The following CHST9 variants were observed in gnomAD, a reference collection of about 807,000 sequenced individuals.
CHST9 encodes the protein carbohydrate sulfotransferase 9, also known as GalNAc-4-sulfotransferase 2.
A neutral mutation model predicts 44.4 loss-of-function variants in CHST9; 41 were observed. That is an observed-to-expected ratio of 0.92 (90% CI 0.72 to 1.20). The LOEUF is 1.20. Among genes scored for constraint, CHST9 ranks in the 50% most tolerant of loss-of-function variants. The pLI is 0.00. For missense variants in CHST9, 504 were observed against 516.5 expected, an observed-to-expected ratio of 0.98 and a Z score of 0.23; for synonymous variants, 171 against 178.4, an observed-to-expected ratio of 0.96 and a Z score of 0.33.
intron 2 of CHST9, among the ~76,000 whole-genome samples, chr18:27,131,743 T>C (rs2058473564): frequency 6.6e-6 from 1 of 152,100 alleles, no homozygotes; most frequent in African/African-American, 2.4e-5. Flanking sequence ...AAATTATAAA[T>C]AAGACCTAAG....
chr18:27,057,070 T>C (rs1478582789), intron 2 of CHST9, among the ~76,000 whole-genome samples: 1 of 152,228 alleles, frequency 6.6e-6, no homozygotes, highest in Non-Finnish European at 1.5e-5. Context: ...TAGTCTAATG[T>C]GGTCTGAAGA....
intron 4 of CHST9, among the ~76,000 whole-genome samples, chr18:27,019,710 A>AAAAAAAAG (rs960028668): frequency 6.6e-6 from 1 of 150,844 alleles, no homozygotes; most frequent in Non-Finnish European, 1.5e-5. Flanking sequence ...AAAAAAAAAA[A>AAAAAAAAG]AGAGAGAAAA....
chr18:27,028,714 C>CT (rs1000235675), intron 3 of CHST9, among the ~76,000 whole-genome samples: 4 of 151,862 alleles, frequency 2.6e-5, no homozygotes, highest in African/African-American at 9.7e-5. Context: ...GGCCCGGCTA[C>CT]TTTTTTTGTA....
intron 2 of CHST9, among the ~76,000 whole-genome samples, chr18:27,076,302 T>A (rs1352038): frequency 0.49 from 74,458 of 152,060 alleles, 19,350 homozygotes; most frequent in East Asian, 0.65. Flanking sequence ...ATCCTGTTTA[T>A]TTTAATTTAA....
At chr18:27,119,171 T>A (rs2058354034) in intron 2 of CHST9, among the ~76,000 whole-genome samples, 1 of 152,168 alleles carries the variant, frequency 6.6e-6, no homozygotes, top group African/African-American at 2.4e-5. Flanking sequence ...GGCCCAGCAT[T>A]TTTAAATGAT....
chr18:26,965,702 G>A (rs918521742), intron 4 of CHST9, among the ~76,000 whole-genome samples: 14 of 152,180 alleles, frequency 9.2e-5, no homozygotes, highest in Admixed American at 8.5e-4. Context: ...CTTAACACAT[G>A]TTCACTCTCC....
chr18:26,980,865 G>A (rs1368993619), intron 4 of CHST9, among the ~76,000 whole-genome samples: 1 of 152,168 alleles, frequency 6.6e-6, no homozygotes, highest in African/African-American at 2.4e-5. Context: ...CGGCCAAAAC[G>A]AAGCCTAAAT....
At chr18:27,137,262 T>A (rs1385869280) in intron 2 of CHST9, among the ~76,000 whole-genome samples, 1 of 151,218 alleles carries the variant, frequency 6.6e-6, no homozygotes, top group Admixed American at 6.6e-5. Flanking sequence ...TATTGATTTA[T>A]ATGCATAATT....
rs28720841 is a variant in CHST9, at chr18:26,972,336, G to A, written c.203-27970C>T. On this transcript the variant is annotated intron_variant, in intron 4 of 5. Coordinates refer to ENST00000618847, the MANE Select transcript of CHST9 (RefSeq NM_031422.6). ...CGCACCACTGCACTCCAGCCCAGGTGACAGAGCAAGACTCCAACTCCAAAA... is the reference window on the plus strand; with the variant it reads ...CGCACCACTGCACTCCAGCCCAGGTAACAGAGCAAGACTCCAACTCCAAAA... 7.6e-3 allele frequency among the ~76,000 whole-genome samples: 913 copies of A among 119,858 alleles called. 10 individuals are homozygous for A. The highest frequency in any genetic ancestry group is 0.029 in the African/African-American group (871 of 30,370). The allele number at this position is 119,858 out of a possible 152,430, so 78.6% of individuals were successfully genotyped here. A position where few individuals can be genotyped will look rare whatever the true frequency, so the allele number is the denominator to read the frequency against.
chr18:26,996,614 G>A (rs2056890812), intron 4 of CHST9, among the ~76,000 whole-genome samples: 2 of 152,114 alleles, frequency 1.3e-5, no homozygotes, highest in Admixed American at 6.5e-5. Flanking sequence ...GCAGGAAGGC[G>A]GATACCTGCC....
At chr18:27,178,787 A>T (rs2058888216) in intron 1 of CHST9, among the ~76,000 whole-genome samples, 1 of 151,996 alleles carries the variant, frequency 6.6e-6, no homozygotes, top group African/African-American at 2.4e-5. Context: ...TTCATCTACC[A>T]CAAGCAATAT....
At chr18:27,061,148 T>G (rs765940) in intron 2 of CHST9, among the ~76,000 whole-genome samples, 4 of 151,904 alleles carry the variant, frequency 2.6e-5, no homozygotes. Flanking sequence ...GAGGACAAAA[T>G]CAACTCACTT....
chr18:27,016,478 C>T (rs1196362804), intron 4 of CHST9, among the ~76,000 whole-genome samples: 1 of 152,210 alleles, frequency 6.6e-6, no homozygotes, highest in African/African-American at 2.4e-5. Flanking sequence ...CTTTATAGCA[C>T]TCTGTTGCTT....
chr18:26,922,890 C>A (rs988224440), intron 5 of CHST9, among the ~76,000 whole-genome samples: 7 of 152,166 alleles, frequency 4.6e-5, no homozygotes, highest in Non-Finnish European at 7.4e-5. Flanking sequence ...GCCGCCTCGG[C>A]CTCCCAAACT....
chr18:27,051,500 G>T, intron 2 of CHST9, among the ~76,000 whole-genome samples: 1 of 152,114 alleles, frequency 6.6e-6, no homozygotes, highest in East Asian at 1.9e-4. Flanking sequence ...ATAATATGTT[G>T]TGAGGACACT....
chr18:26,922,513 T>A (rs572387213), intron 5 of CHST9, among the ~76,000 whole-genome samples: 2 of 152,286 alleles, frequency 1.3e-5, no homozygotes, highest in Admixed American at 1.3e-4. Flanking sequence ...ATTGCAGAGT[T>A]AGCTGAAAGA....
chr18:27,060,135 G>C (rs111981748), intron 2 of CHST9, among the ~76,000 whole-genome samples: 23 of 152,290 alleles, frequency 1.5e-4, no homozygotes, highest in African/African-American at 4.3e-4. Flanking sequence ...TATTATGTGA[G>C]AGACAGAAAG....
At chr18:27,053,348 G>A (rs11877126) in intron 2 of CHST9, among the ~76,000 whole-genome samples, 1,827 of 10,540 alleles carry the variant, frequency 0.17, 265 homozygotes, top group African/African-American at 0.37. Flanking sequence ...AAAAAAAAAA[G>A]CAATAATTAT....
At chr18:27,020,729 A>G (rs1307598005) in intron 4 of CHST9, among the ~76,000 whole-genome samples, 1 of 152,228 alleles carries the variant, frequency 6.6e-6, no homozygotes, top group Non-Finnish European at 1.5e-5. Flanking sequence ...TATAGCCTAT[A>G]TTTCCTTTAT....
Sources: gnomAD v4.1 joint callset for allele counts (sites outside exome capture counted in the v4.1 genomes callset) on GRCh38, gnomAD v4.1.1 for gene constraint, MANE v1.5 for transcripts, NCBI Gene and HGNC (gene_info 2026-07-23, HGNC 2026-07-21) for gene names.